Variants in ZNF418 observed in about 807,000 individuals in gnomAD.
ZNF418 encodes zinc finger protein 418.
A neutral mutation model predicts 32.0 loss-of-function variants in ZNF418; 32 were observed. The ratio of observed to expected loss-of-function variants is 1.00; its 90% CI spans 0.75 to 1.34. ZNF418 has a LOEUF of 1.34. Among genes scored for constraint, ZNF418 ranks in the 40% most tolerant of loss-of-function variants. The probability of loss-of-function intolerance (pLI) is 0.00; values close to 1 mark genes in which losing one functional copy is unlikely to be tolerated. For synonymous variants in ZNF418, 276 were observed against 270.7 expected (o/e 1.02, Z -0.19); for missense variants, 804 against 812.5 (o/e 0.99, Z 0.13).
At position 57,930,512 on chromosome 19, in the gene ZNF418, C is replaced by G. The variant is rs1204736696; in HGVS notation, c.49G>C (p.Glu17Gln). 6.2e-7 allele frequency: 1 copy of G among 1,614,114 alleles called. No individual in the cohort carries two copies. Among genetic ancestry groups the G allele is most frequent in the African/African-American group, 1.3e-5 (1 of 75,016 alleles). Reference protein sequence around the residue: ...FEDVAVNFSQEEWSLLSEVQR... With the variant: ...FEDVAVNFSQQEWSLLSEVQR... ...ACCTCACTAAGGAGACTCCACTCCTCCTGGGAAAAGTTCACAGCCACATCT... is the reference window on the plus strand; with the variant it reads ...ACCTCACTAAGGAGACTCCACTCCTGCTGGGAAAAGTTCACAGCCACATCT... The change falls in exon 3 of 6, where the codon GAG becomes CAG. Residue 17 changes from glutamate (E) to glutamine (Q), a missense_variant. Around this residue, in one of 3 missense-constraint regions of ZNF418, gnomAD observed 307 missense variants for 304.9 expected, o/e 1.01. Transcript: ENST00000396147.
At chr19:57,933,187 T>C (rs1233683471) in intron 2 of ZNF418, among the ~76,000 whole-genome samples, 1 of 152,238 alleles carries the variant, frequency 6.6e-6, no homozygotes, top group Non-Finnish European at 1.5e-5. Context: ...TACTATGTGC[T>C]CATCTCAGTT....
Position 57,933,827 on chromosome 19 carries a change from G to C in ZNF418, c.-5C>G. 1 of 1,614,058 alleles carries C rather than the reference G, an allele frequency of 6.2e-7. No homozygotes were observed. On this transcript the variant is annotated 5_prime_UTR_variant, in exon 2 of 6. Transcript: ENST00000396147. ...TCCAGTAACCCTCACCTGCATTATG[G>C]CAGGAGTTTAAACTCTGATCCTCCT...
chr19:57,924,073 C>T (rs1402511423), intron 4 of ZNF418, among the ~76,000 whole-genome samples: 1 of 150,830 alleles, frequency 6.6e-6, no homozygotes, highest in East Asian at 1.9e-4. Flanking sequence ...TTGAGGAGTT[C>T]GAGGCTGCAG....
chr19:57,927,764 G>A lies in ZNF418; in HGVS notation c.417C>T (p.Ser139=), dbSNP rs1247476824. 4 of 1,614,062 alleles carry A rather than the reference G, an allele frequency of 2.5e-6. No individual in the cohort carries two copies. The highest frequency in any genetic ancestry group is 2.7e-5 in the African/African-American group (2 of 74,922). ...TCACAAACAATGCTTCCTCAACACT[G>A]CTTCTATAGGGTTTCTCTCCAAGGT... is the stretch of plus-strand genomic sequence containing the variant. ...NQYLGEKPYR[S]SVEEALFVKR... The change falls in exon 4 of 6, where the codon AGC becomes AGT. Residue 139 remains serine, a synonymous_variant. Coordinates refer to ENST00000396147, the MANE Select transcript of ZNF418 (RefSeq NM_133460.3).
At position 57,927,721 on chromosome 19, in the gene ZNF418, C is replaced by G; in HGVS notation, c.460G>C (p.Val154Leu). 6.2e-7 allele frequency: 1 copy of G among 1,614,214 alleles called. No individual in the cohort carries two copies. Among genetic ancestry groups the G allele is most frequent in the South Asian group, 1.1e-5 (1 of 91,086 alleles). Reference protein sequence around the residue: ...ALFVKRCKFHVSEESSIFIQS... With the variant: ...ALFVKRCKFHLSEESSIFIQS... The stretch of plus-strand genomic sequence containing the variant: ...ATGAAGATAGATGACTCCTCTGACA[C>G]ATGGAACTTACACCTCTTCACAAAC... Residue 154 changes from valine to leucine, a missense_variant, in exon 4 of 6, where the codon GTG becomes CTG. Physicochemically the swap from Val to Leu is conservative, Grantham distance 32. Transcript: ENST00000396147.
chr19:57,922,287 C>A lies in ZNF418; in HGVS notation c.*968G>T. ...ACATGACGAGATGGGCTTTTATTAACCTCTTTGTTAGTTTCATCAATCGAG... is the reference window on the plus strand; with the variant it reads ...ACATGACGAGATGGGCTTTTATTAAACTCTTTGTTAGTTTCATCAATCGAG... On this transcript the variant is annotated 3_prime_UTR_variant, in exon 6 of 6. Transcript: ENST00000396147. 1 of 291,444 alleles carries A rather than the reference C, an allele frequency of 3.4e-6. No individual in the cohort carries two copies. The highest frequency in any genetic ancestry group is 6.3e-6 in the Non-Finnish European group (1 of 158,798). 18.1% of individuals were successfully genotyped at this position (291,444 alleles called of 1,614,324 possible). A position where few individuals can be genotyped will look rare whatever the true frequency, so the allele number is the denominator to read the frequency against.
At position 57,928,863 on chromosome 19, in the gene ZNF418, G is replaced by A. The variant is rs373625846; in HGVS notation, c.134-816C>T. 1.8e-4 allele frequency among the ~76,000 whole-genome samples: 27 copies of A among 152,098 alleles called. No homozygotes were observed. In the East Asian group the frequency reaches 2.3e-3, roughly 13 times the overall value. Reference sequence around the variant, plus strand: ...AAAAAAATTAGCCGGGCGTGGTGGCGGGCGCCTGTAGTCTCAGCTACTCGG... The same window carrying A: ...AAAAAAATTAGCCGGGCGTGGTGGCAGGCGCCTGTAGTCTCAGCTACTCGG... On this transcript the variant is annotated intron_variant, in intron 3 of 5. Coordinates refer to ENST00000396147, the MANE Select transcript of ZNF418 (RefSeq NM_133460.3).
At chr19:57,933,973 T>C in intron 1 of ZNF418, 71 bp from the exon 2 acceptor site, 4 of 1,584,570 alleles carry the variant, frequency 2.5e-6, no homozygotes, top group Non-Finnish European at 3.4e-6. Context: ...AATTTTTACC[T>C]CTAAGCATTT....
chr19:57,932,242 G>A (rs1449788519), intron 2 of ZNF418, among the ~76,000 whole-genome samples: 2 of 152,208 alleles, frequency 1.3e-5, no homozygotes, highest in East Asian at 3.8e-4. Flanking sequence ...AGGGTTGTTA[G>A]GCCAGGATAC....
rs2072017170 is a variant in ZNF418, at chr19:57,922,042, G to C, written c.*1213C>G. 6.6e-6 allele frequency: 1 copy of C among 152,330 alleles called. No individual in the cohort carries two copies. Among genetic ancestry groups the C allele is most frequent in the Non-Finnish European group, 1.5e-5 (1 of 68,154 alleles). 9.4% of individuals were successfully genotyped at this position (152,330 alleles called of 1,614,324 possible). On this transcript the variant is annotated 3_prime_UTR_variant, in exon 6 of 6. Transcript: ENST00000396147. ...CTCAAAACAAAGGGCCTCATTCCAA[G>C]GAACAGGCCAGGGGTTCAGAAACCT...
chr19:57,923,667 C>T (rs567940412), intron 4 of ZNF418, among the ~76,000 whole-genome samples: 8 of 152,036 alleles, frequency 5.3e-5, no homozygotes, highest in East Asian at 3.9e-4. Flanking sequence ...CTCCACCTCC[C>T]GGGTTCACTC....
intron 3 of ZNF418, among the ~76,000 whole-genome samples, 197 bp downstream of exon 3, chr19:57,930,231 A>C (rs1023523815): frequency 1.3e-5 from 2 of 152,172 alleles, no homozygotes; most frequent in Non-Finnish European, 2.9e-5. Flanking sequence ...GTCTGCAGCA[A>C]AGCACGTATT....
rs749862350 is a variant in ZNF418, at chr19:57,927,318, C to T, written c.863G>A (p.Cys288Tyr). 1 of 1,614,116 alleles carries T rather than the reference C, an allele frequency of 6.2e-7. No individual in the cohort carries two copies. Among genetic ancestry groups the T allele is most frequent in the Non-Finnish European group, 8.5e-7 (1 of 1,180,022 alleles). Residue 288 changes from cysteine to tyrosine, a missense_variant, in exon 4 of 6, where the codon TGT becomes TAT. By Grantham distance (194) the Cys-to-Tyr change is radical. Coordinates refer to ENST00000396147, the MANE Select transcript of ZNF418 (RefSeq NM_133460.3). ...RVHTGKRPYE[C>Y]GECGKSFSHK... ...ACTAAAAGATTTCCCACATTCTCCA[C>T]ATTCATAAGGTCTTTTCCCAGTGTG...
chr19:57,927,367 T>C lies in ZNF418; in HGVS notation c.814A>G (p.Ser272Gly), dbSNP rs763765774. 1.2e-6 allele frequency: 2 copies of C among 1,614,080 alleles called. No homozygotes were observed. Among genetic ancestry groups the C allele is most frequent in the Admixed American group, 3.3e-5 (2 of 60,018 alleles). Residue 272 changes from serine (S) to glycine (G), a missense_variant, in exon 4 of 6, where the codon AGC (serine) becomes GGC (glycine). Transcript: ENST00000396147. The part of the protein sequence containing the change: ...ECGKSFSHKG[S>G]LVQHQRVHTG... ...TGAACTCGCTGATGCTGAACAAGGC[T>C]GCCCTTATGACTAAAAGATTTCCCA...
At position 57,928,066 on chromosome 19, in the gene ZNF418, T is replaced by C; in HGVS notation, c.134-19A>G. ...CAACAACCTGAAAGCAAGAAAATGC[T>C]GATGAATTCAAGTTAACTCTGGTGG... is the stretch of plus-strand genomic sequence containing the variant. On this transcript the variant is annotated intron_variant, in intron 3 of 5. Transcript: ENST00000396147. 6.6e-7 allele frequency: 1 copy of C among 1,517,826 alleles called. No homozygotes were observed. Among genetic ancestry groups the C allele is most frequent in the East Asian group, 2.3e-5 (1 of 43,928 alleles). The allele number at this position is 1,517,826 out of a possible 1,614,324, so 94.0% of individuals were successfully genotyped here. A position where few individuals can be genotyped will look rare whatever the true frequency, so the allele number is the denominator to read the frequency against.
chr19:57,932,575 C>T lies in ZNF418; in HGVS notation c.6+1242G>A, dbSNP rs1407024071. ...CACTTCTGTGTTGCACTTGGTGACCCCTCTACAATGACGACTTTCCTCTGT... is the reference window on the plus strand; with the variant it reads ...CACTTCTGTGTTGCACTTGGTGACCTCTCTACAATGACGACTTTCCTCTGT... On this transcript the variant is annotated intron_variant, in intron 2 of 5. Transcript: ENST00000396147. The T allele has an allele frequency of 2.0e-6, 3 of 1,528,824 alleles. No homozygotes were observed. In the South Asian group the frequency reaches 3.6e-5, roughly 18 times the overall value. 94.7% of individuals were successfully genotyped at this position (1,528,824 alleles called of 1,614,324 possible). A position where few individuals can be genotyped will look rare whatever the true frequency, so the allele number is the denominator to read the frequency against.
At chr19:57,932,687 C>A in intron 2 of ZNF418, 4 of 1,353,918 alleles carry the variant, frequency 3.0e-6, no homozygotes, top group Middle Eastern at 2.8e-4. Context: ...TAAATAAAAT[C>A]CCAGCCCATC....
Position 57,927,688 on chromosome 19 carries a change from C to T in ZNF418, c.493G>A (p.Gly165Arg). The change falls in exon 4 of 6, where the codon GGA becomes AGA. Residue 165 changes from glycine (G) to arginine (R), a missense_variant. Transcript: ENST00000396147. Reference protein sequence around the residue: ...SEESSIFIQSGKDFLPSSGLL... With the variant: ...SEESSIFIQSRKDFLPSSGLL... ...CCTGAGCTGGGCAAAAAGTCCTTTCCACTCTGAATGAAGATAGATGACTCC... is the reference window on the plus strand; with the variant it reads ...CCTGAGCTGGGCAAAAAGTCCTTTCTACTCTGAATGAAGATAGATGACTCC... 1 of 1,614,222 alleles carries T rather than the reference C, an allele frequency of 6.2e-7. No individual in the cohort carries two copies. Among genetic ancestry groups the T allele is most frequent in the Non-Finnish European group, 8.5e-7 (1 of 1,180,036 alleles).
chr19:57,931,667 G>A (rs1182961346), intron 2 of ZNF418, among the ~76,000 whole-genome samples: 1 of 152,208 alleles, frequency 6.6e-6, no homozygotes, highest in African/African-American at 2.4e-5. Flanking sequence ...TGTGATCATG[G>A]CTCATGGAAA....
Sources: gnomAD v4.1 joint callset for allele counts (sites outside exome capture counted in the v4.1 genomes callset) on GRCh38, gnomAD v4.1.1 for gene constraint, gnomAD v4.1.1 regional missense constraint, MANE v1.5 for transcripts, NCBI Gene and HGNC (gene_info 2026-07-23, HGNC 2026-07-21) for gene names.